The following LYN variants were observed in gnomAD, a reference collection of about 807,000 sequenced individuals.
LYN encodes tyrosine-protein kinase Lyn.
A neutral mutation model predicts 65.0 loss-of-function variants in LYN; 12 were observed. That is an observed-to-expected ratio of 0.18 (90% CI 0.12 to 0.30). The LOEUF (loss-of-function observed/expected upper bound fraction) is 0.30. Among genes scored for constraint, LYN ranks in the 10% least tolerant of loss-of-function variants. LYN has a pLI of 1.00. For synonymous variants in LYN, 222 were observed against 221.2 expected (o/e 1.00, Z -0.03); for missense variants, 380 against 623.2 (o/e 0.61, Z 4.16).
Position 55,916,008 on chromosome 8 carries a change from G to A in LYN, c.-5-25847G>A, listed in dbSNP as rs548075025. On this transcript the variant is annotated intron_variant, in intron 1 of 12. Coordinates refer to ENST00000519728, the MANE Select transcript of LYN (RefSeq NM_002350.4). ...TAATGGCATCTTAATATTTTAAAGGGTAGCCATTGTTTTAAAAGCATATAA... is the reference window on the plus strand; with the variant it reads ...TAATGGCATCTTAATATTTTAAAGGATAGCCATTGTTTTAAAAGCATATAA... 2.2e-4 allele frequency among the ~76,000 whole-genome samples: 34 copies of A among 152,202 alleles called. No individual in the cohort carries two copies. The East Asian group carries it at 5.4e-3, about 24-fold the overall frequency.
intron 10 of LYN, among the ~76,000 whole-genome samples, chr8:55,992,197 A>G (rs537084304): frequency 1.3e-5 from 2 of 152,304 alleles, no homozygotes; most frequent in East Asian, 1.9e-4. Context: ...AGAGAATCAC[A>G]TGGCCTAAGA....
At chr8:55,881,460 A>G (rs1177808020) in intron 1 of LYN, among the ~76,000 whole-genome samples, 1 of 152,196 alleles carries the variant, frequency 6.6e-6, no homozygotes, top group East Asian at 1.9e-4. Flanking sequence ...CTGTAAGAGT[A>G]AGCTTTGTTG....
intron 12 of LYN, among the ~76,000 whole-genome samples, chr8:56,002,953 A>G (rs2130591761): frequency 6.6e-6 from 1 of 152,220 alleles, no homozygotes; most frequent in South Asian, 2.1e-4. Context: ...AAAATATGCC[A>G]TTTTCCACAC....
intron 10 of LYN, among the ~76,000 whole-genome samples, chr8:55,983,085 G>A (rs1301546573): frequency 1.3e-5 from 2 of 152,126 alleles, no homozygotes; most frequent in Non-Finnish European, 2.9e-5. Context: ...CACAACAGCT[G>A]TGACCTGCAC....
intron 8 of LYN, among the ~76,000 whole-genome samples, chr8:55,963,125 A>G (rs946028415): frequency 1.1e-4 from 16 of 152,212 alleles, no homozygotes; most frequent in Non-Finnish European, 5.9e-5. Context: ...CATCCAAACT[A>G]TATCAGAGTT....
At chr8:55,883,064 A>G (rs1372253694) in intron 1 of LYN, among the ~76,000 whole-genome samples, 1 of 152,250 alleles carries the variant, frequency 6.6e-6, no homozygotes, top group Non-Finnish European at 1.5e-5. Context: ...CACTCACATT[A>G]GCCTACTGTT....
At chr8:55,963,695 C>G (rs1007154848) in intron 8 of LYN, among the ~76,000 whole-genome samples, 4 of 152,220 alleles carry the variant, frequency 2.6e-5, no homozygotes, top group Non-Finnish European at 5.9e-5. Context: ...GTGTTTATTA[C>G]TCATATGAAT....
intron 10 of LYN, among the ~76,000 whole-genome samples, chr8:55,997,710 G>C (rs1808410611): frequency 1.3e-5 from 2 of 152,200 alleles, no homozygotes; most frequent in African/African-American, 4.8e-5. Flanking sequence ...TTTCTGATTT[G>C]AGAAACTGGC....
intron 10 of LYN, among the ~76,000 whole-genome samples, chr8:55,997,850 C>T (rs548420244): frequency 2.0e-5 from 3 of 152,116 alleles, no homozygotes; most frequent in South Asian, 2.1e-4. Context: ...TTTGGGAGGC[C>T]AAGGCGGGCG....
At chr8:55,936,615 G>A (rs1049545834) in intron 1 of LYN, among the ~76,000 whole-genome samples, 5 of 152,038 alleles carry the variant, frequency 3.3e-5, no homozygotes, top group African/African-American at 1.2e-4. Flanking sequence ...ACTCCAGCCT[G>A]GGTGACAGAG....
chr8:55,890,727 A>AT (rs59069585), intron 1 of LYN, among the ~76,000 whole-genome samples: 30 of 143,902 alleles, frequency 2.1e-4, no homozygotes, highest in African/African-American at 5.6e-4. Flanking sequence ...GTACATTGGA[A>AT]TTTTTTTTTT....
Position 55,880,070 on chromosome 8 carries a change from A to G in LYN, c.-39A>G. On this transcript the variant is annotated 5_prime_UTR_variant, in exon 1 of 13. Transcript: ENST00000519728. ...CCACTCTGAACTCAAGTCACCGTGG[A>G]GCTCCGCCGCCCCGAAACTTTCACC... 3.1e-6 allele frequency: 1 copy of G among 317,642 alleles called. No homozygotes were observed. The highest frequency in any genetic ancestry group is 6.4e-6 in the Non-Finnish European group (1 of 156,642). 19.7% of individuals were successfully genotyped at this position (317,642 alleles called of 1,614,324 possible).
intron 1 of LYN, among the ~76,000 whole-genome samples, chr8:55,887,571 T>TACACAC (rs771404548): frequency 4.0e-5 from 2 of 50,352 alleles, no homozygotes; most frequent in Non-Finnish European, 7.6e-5. Context: ...TATATATATA[T>TACACAC]ATATACACAC....
At position 56,010,570 on chromosome 8, in the gene LYN, T is replaced by C. The variant is rs1347349883; in HGVS notation, c.*460T>C. 4.4e-6 allele frequency: 1 copy of C among 228,866 alleles called. No individual in the cohort carries two copies. The highest frequency in any genetic ancestry group is 6.2e-5 in the East Asian group (1 of 16,002). The allele number at this position is 228,866 out of a possible 1,614,324, so 14.2% of individuals were successfully genotyped here. A position where few individuals can be genotyped will look rare whatever the true frequency, so the allele number is the denominator to read the frequency against. On this transcript the variant is annotated 3_prime_UTR_variant, in exon 13 of 13. Transcript: ENST00000519728. ...ATTTCTTTGTGCTTTGGCTTACTTG[T>C]TTAAAAAAAAAAAAAAACTAATCCA...
Position 56,013,202 on chromosome 8 carries a change from G to T in LYN, c.*3092G>T, listed in dbSNP as rs897352757. 1 of 151,952 alleles carries T rather than the reference G, an allele frequency of 6.6e-6. No individual in the cohort carries two copies. The highest frequency in any genetic ancestry group is 1.5e-5 in the Non-Finnish European group (1 of 68,012). 9.4% of individuals were successfully genotyped at this position (151,952 alleles called of 1,614,324 possible). A position where few individuals can be genotyped will look rare whatever the true frequency, so the allele number is the denominator to read the frequency against. ...TGCCTACACCAGGGATAGATCGAGG[G>T]CACTGAAAGCATCATAAGTATAAAC... On this transcript the variant is annotated 3_prime_UTR_variant, in exon 13 of 13. Transcript: ENST00000519728.
intron 1 of LYN, among the ~76,000 whole-genome samples, chr8:55,915,902 A>G (rs1489161031): frequency 7.9e-5 from 12 of 152,216 alleles, no homozygotes; most frequent in African/African-American, 2.7e-4. Context: ...TGGATATTCA[A>G]TAAGCCTGTA....
intron 1 of LYN, among the ~76,000 whole-genome samples, chr8:55,915,746 C>T (rs1434551238): frequency 6.6e-6 from 1 of 151,600 alleles, no homozygotes; most frequent in African/African-American, 2.4e-5. Flanking sequence ...GTAAATTCTC[C>T]TTACATATAA....
intron 1 of LYN, among the ~76,000 whole-genome samples, chr8:55,897,287 A>G (rs1055585019): frequency 2.0e-5 from 3 of 152,188 alleles, no homozygotes; most frequent in African/African-American, 7.2e-5. Flanking sequence ...TAGATTAAGA[A>G]CAGTAAAGCT....
intron 12 of LYN, among the ~76,000 whole-genome samples, chr8:56,003,226 A>AT (rs548712716): frequency 0.016 from 2,334 of 149,692 alleles, 56 homozygotes; most frequent in African/African-American, 0.046. Context: ...CGCCCAGCTA[A>AT]TTTTTTTTTT....
Sources: allele counts gnomAD v4.1 joint callset (sites outside exome capture counted in the v4.1 genomes callset), GRCh38; gene constraint gnomAD v4.1.1; transcripts MANE v1.5; gene names NCBI Gene and HGNC (gene_info 2026-07-23, HGNC 2026-07-21).